The following SAMD12 variants were observed in gnomAD, a reference collection of about 807,000 sequenced individuals.
SAMD12 encodes sterile alpha motif domain-containing protein 12.
SAMD12 carries 9 observed loss-of-function variants against 15.0 expected under a neutral mutation model. That is an observed-to-expected ratio of 0.60 (90% CI 0.36 to 1.05). SAMD12 has a LOEUF of 1.05. Ranked by LOEUF, SAMD12 falls within the 50% of genes least tolerant of loss-of-function variation. SAMD12 has a pLI of 0.01. For missense variants in SAMD12, 230 were observed against 234.2 expected (o/e 0.98, Z 0.12); for synonymous variants, 86 against 90.1 (o/e 0.96, Z 0.25).
chr8:118,479,238 C>T (rs1586750588), intron 2 of SAMD12, among the ~76,000 whole-genome samples: 1 of 152,248 alleles, frequency 6.6e-6, no homozygotes, highest in South Asian at 2.1e-4. Context: ...CACTGTGCCT[C>T]AGGACCTCTG....
chr8:118,465,027 C>A (rs1823550849), intron 2 of SAMD12, among the ~76,000 whole-genome samples: 1 of 152,170 alleles, frequency 6.6e-6, no homozygotes, highest in Non-Finnish European at 1.5e-5. Flanking sequence ...GGAGGTTCTC[C>A]ATGCCTGCAG....
chr8:118,267,701 TTGTGTGTGTGTG>T (rs10671962), intron 4 of SAMD12, among the ~76,000 whole-genome samples: 7,068 of 147,600 alleles, frequency 0.048, 552 homozygotes, highest in African/African-American at 0.16. Context: ...TTCCCATCTG[TTGTGTGTGTGTG>T]TGTGTGTGTG....
At chr8:118,139,422 G>A in the SAMD12 span, among the ~76,000 whole-genome samples, 1 of 152,272 alleles carries the variant, frequency 6.6e-6, no homozygotes, top group African/African-American at 2.4e-5. Flanking sequence ...GCAGTGGCAC[G>A]ATCATAGCTC....
chr8:118,349,094 A>T (rs1025143578), intron 4 of SAMD12, among the ~76,000 whole-genome samples: 1 of 152,228 alleles, frequency 6.6e-6, no homozygotes, highest in Non-Finnish European at 1.5e-5. Flanking sequence ...TCACAAGAAA[A>T]TCCCCTCTGA....
At chr8:118,431,722 G>GTA (rs1822425729) in intron 3 of SAMD12, among the ~76,000 whole-genome samples, 1 of 149,886 alleles carries the variant, frequency 6.7e-6, no homozygotes, top group Non-Finnish European at 1.5e-5. Context: ...GTGTGTGTGT[G>GTA]TGTGTGTTTG....
At chr8:118,571,213 G>A (rs1317982002) in intron 2 of SAMD12, among the ~76,000 whole-genome samples, 2 of 152,160 alleles carry the variant, frequency 1.3e-5, no homozygotes, top group South Asian at 4.1e-4. Flanking sequence ...TTTAGAACTG[G>A]GTAACAGGCA....
At position 118,580,467 on chromosome 8, in the gene SAMD12, G is replaced by A. The variant is rs766434632; in HGVS notation, c.192+248C>T. Reference sequence around the variant, plus strand: ...GTGAATCTTTTAGCTTCAAGTCCAGGGCATTCTTCTCTATAACCTCAGAGC... The same window carrying A: ...GTGAATCTTTTAGCTTCAAGTCCAGAGCATTCTTCTCTATAACCTCAGAGC... On this transcript the variant is annotated intron_variant, in intron 2 of 3. Transcript: ENST00000314727. 6.6e-5 allele frequency among the ~76,000 whole-genome samples: 10 copies of A among 152,076 alleles called. 1 individual carries two copies. Among genetic ancestry groups the A allele is most frequent in the Non-Finnish European group, 1.5e-4 (10 of 68,022 alleles).
chr8:118,316,767 C>A (rs1815928705), intron 4 of SAMD12, among the ~76,000 whole-genome samples: 3 of 151,696 alleles, frequency 2.0e-5, no homozygotes, highest in Admixed American at 1.3e-4. Flanking sequence ...GAAATCCTAA[C>A]CCCCACAGGG....
downstream of SAMD12, chr8:118,375,608 A>G (rs895418688): frequency 6.6e-6 from 1 of 152,170 alleles, no homozygotes; most frequent in Non-Finnish European, 1.5e-5. Context: ...TTCTTACAAC[A>G]TCCCTATTTG....
chr8:118,456,442 C>T (rs186055582), intron 2 of SAMD12, among the ~76,000 whole-genome samples: 1 of 152,190 alleles, frequency 6.6e-6, no homozygotes, highest in Non-Finnish European at 1.5e-5. Flanking sequence ...CTGCACTTAG[C>T]ACCTAGGGGG....
At chr8:118,329,279 A>T (rs1303079323) in intron 4 of SAMD12, among the ~76,000 whole-genome samples, 1 of 152,168 alleles carries the variant, frequency 6.6e-6, no homozygotes, top group Non-Finnish European at 1.5e-5. Context: ...AGCCTTGGCA[A>T]ATTTTTCTCT....
At chr8:118,565,107 C>A (rs1026389122) in intron 2 of SAMD12, among the ~76,000 whole-genome samples, 2 of 152,158 alleles carry the variant, frequency 1.3e-5, no homozygotes, top group Admixed American at 6.5e-5. Context: ...ACTATCACGA[C>A]AGTGCTGGTG....
At position 118,589,374 on chromosome 8, in the gene SAMD12, C is replaced by G. The variant is rs897477473; in HGVS notation, c.14-8481G>C. Among the ~76,000 whole-genome samples the G allele has an allele frequency of 5.9e-5, 9 of 152,302 alleles. No homozygotes were observed. In the East Asian group the frequency reaches 1.7e-3, roughly 29 times the overall value. ...TCACTCACTCTGGTTTACTTGTCTACAGAAACAATTTCATCTTTGTAAAAA... is the reference window on the plus strand; with the variant it reads ...TCACTCACTCTGGTTTACTTGTCTAGAGAAACAATTTCATCTTTGTAAAAA... On this transcript the variant is annotated intron_variant, in intron 1 of 3. Coordinates refer to ENST00000314727, the MANE Select transcript of SAMD12 (RefSeq NM_207506.3).
downstream of SAMD12, among the ~76,000 whole-genome samples, chr8:118,187,015 C>A (rs1819254343): frequency 6.6e-6 from 1 of 152,142 alleles, no homozygotes; most frequent in South Asian, 2.1e-4. Context: ...CATTCTTATT[C>A]CCCTCTTGAA....
At chr8:118,365,984 G>A (rs1247267161) in intron 4 of SAMD12, among the ~76,000 whole-genome samples, 3 of 152,080 alleles carry the variant, frequency 2.0e-5, no homozygotes, top group African/African-American at 4.8e-5. Flanking sequence ...GCTTGTGGAT[G>A]AGTGTCTTCT....
At chr8:118,349,632 A>G (rs185021800) in intron 4 of SAMD12, among the ~76,000 whole-genome samples, 5 of 152,334 alleles carry the variant, frequency 3.3e-5, no homozygotes, top group Admixed American at 6.5e-5. Flanking sequence ...CACTGAGCTC[A>G]GTGCTTGGCA....
chr8:118,263,846 C>G (rs1247812882), intron 4 of SAMD12, among the ~76,000 whole-genome samples: 1 of 152,072 alleles, frequency 6.6e-6, no homozygotes, highest in Non-Finnish European at 1.5e-5. Context: ...ATGGTGCTCT[C>G]AGTCAAGGTG....
At chr8:118,493,552 C>T (rs1015119750) in intron 2 of SAMD12, among the ~76,000 whole-genome samples, 1 of 152,130 alleles carries the variant, frequency 6.6e-6, no homozygotes, top group Admixed American at 6.6e-5. Flanking sequence ...GTGTTGCCTT[C>T]CAGAGCAATA....
intron 2 of SAMD12, among the ~76,000 whole-genome samples, chr8:118,573,865 T>C (rs1191236541): frequency 1.3e-5 from 2 of 152,198 alleles, no homozygotes; most frequent in Non-Finnish European, 2.9e-5. Flanking sequence ...TTTCATCTTT[T>C]TATTATGTGC....
Sources: gnomAD v4.1 joint callset for allele counts (sites outside exome capture counted in the v4.1 genomes callset) on GRCh38, gnomAD v4.1.1 for gene constraint, MANE v1.5 for transcripts, NCBI Gene and HGNC (gene_info 2026-07-23, HGNC 2026-07-21) for gene names.